Variants in LINGO1 observed in about 807,000 individuals in gnomAD.
LINGO1 encodes the protein leucine-rich repeat and immunoglobulin-like domain-containing nogo receptor-interacting protein 1.
Under a neutral mutation model 37.3 loss-of-function variants are expected in LINGO1, and 11 were observed. That is an observed-to-expected ratio of 0.29 (90% confidence interval 0.19 to 0.49). The LOEUF is 0.49. LINGO1 is among the 20% of genes least tolerant of loss of function. The pLI is 0.99. For synonymous variants in LINGO1, 387 were observed against 403.0 expected, an observed-to-expected ratio of 0.96 and a Z score of 0.48; for missense variants, 585 against 878.2, an observed-to-expected ratio of 0.67 and a Z score of 4.22.
upstream of LINGO1, among the ~76,000 whole-genome samples, chr15:77,636,288 C>G (rs1204235482): frequency 6.6e-6 from 1 of 152,220 alleles, no homozygotes; most frequent in Non-Finnish European, 1.5e-5. Flanking sequence ...ACAGGCCTGC[C>G]TACATGCCTG....
At chr15:77,622,784 G>A (rs1026870195) in intron 1 of LINGO1, among the ~76,000 whole-genome samples, 13 of 152,194 alleles carry the variant, frequency 8.5e-5, no homozygotes, top group African/African-American at 2.9e-4. Flanking sequence ...CTGTCGCAGC[G>A]GCCAACCATC....
rs761904303 is a variant in LINGO1, at chr15:77,615,225, T to G, written c.682A>C (p.Asn228His). The change falls in exon 2 of 2, where the codon AAT becomes CAT. Residue 228 changes from asparagine (N) to histidine (H), a missense_variant. Asn to His is a moderately conservative substitution (Grantham distance 68). Transcript: ENST00000355300. Reference sequence around the variant, plus strand: ...TTGAAGGAGTAGTCCCGGATGGCATTGATGTTGAGGTGCCGGAGCCTCAGG... The same window carrying G: ...TTGAAGGAGTAGTCCCGGATGGCATGGATGTTGAGGTGCCGGAGCCTCAGG... ...IVLRLRHLNI[N>H]AIRDYSFKRL... The G allele has an allele frequency of 8.1e-6, 13 of 1,613,468 alleles. No individual in the cohort carries two copies. In the Admixed American group the frequency reaches 1.5e-4, roughly 19 times the overall value.
chr15:77,644,673 G>A (rs1462592734), intron 3 of LINGO1, among the ~76,000 whole-genome samples: 4 of 152,180 alleles, frequency 2.6e-5, no homozygotes, highest in Non-Finnish European at 4.4e-5. Flanking sequence ...TGGCCACTTC[G>A]GAAGCTGAGG....
intron 1 of LINGO1, among the ~76,000 whole-genome samples, chr15:77,736,976 T>C (rs1202158489): frequency 5.9e-5 from 9 of 152,180 alleles, no homozygotes. Context: ...CACTGAGGCA[T>C]GCCACGTGGG....
intron 3 of LINGO1, among the ~76,000 whole-genome samples, chr15:77,672,626 G>A (rs2075269809): frequency 6.6e-6 from 1 of 152,190 alleles, no homozygotes; most frequent in Non-Finnish European, 1.5e-5. Flanking sequence ...TTCAGTGTCA[G>A]CCCCACACCT....
chr15:77,785,316 C>T (rs2076760598), intron 1 of LINGO1, among the ~76,000 whole-genome samples: 1 of 152,218 alleles, frequency 6.6e-6, no homozygotes, highest in Non-Finnish European at 1.5e-5. Context: ...AGGCGGCCCG[C>T]AGGCTGATCT....
intron 2 of LINGO1, among the ~76,000 whole-genome samples, chr15:77,794,280 ATATATATATGTATG>A (rs1314708999): frequency 1.8e-5 from 2 of 108,928 alleles, no homozygotes; most frequent in Non-Finnish European, 1.9e-5. Context: ...ACATATACAT[ATATATATATGTATG>A]TATATATATA....
intron 2 of LINGO1, among the ~76,000 whole-genome samples, chr15:77,792,069 C>T (rs535645691): frequency 6.6e-6 from 1 of 152,282 alleles, no homozygotes; most frequent in African/African-American, 2.4e-5. Flanking sequence ...CCAGCTCTTC[C>T]CGCAGCTGCA....
chr15:77,657,286 C>T (rs939829845), intron 3 of LINGO1, among the ~76,000 whole-genome samples: 4 of 151,910 alleles, frequency 2.6e-5, no homozygotes, highest in Non-Finnish European at 5.9e-5. Flanking sequence ...CTCAGCTAGT[C>T]ATGGGGCATC....
intron 2 of LINGO1, among the ~76,000 whole-genome samples, chr15:77,702,946 T>C (rs139092735): frequency 3.0e-4 from 45 of 152,360 alleles, no homozygotes; most frequent in Middle Eastern, 6.8e-3. Context: ...GTCTCTTTCC[T>C]TCTTTCTGTG....
chr15:77,714,639 C>T (rs551955302), intron 2 of LINGO1, among the ~76,000 whole-genome samples: 11 of 152,358 alleles, frequency 7.2e-5, no homozygotes, highest in East Asian at 3.9e-4. Flanking sequence ...GCATGAGAAG[C>T]GTGCACAGCC....
intron 1 of LINGO1, among the ~76,000 whole-genome samples, chr15:77,742,377 T>G (rs978906014): frequency 6.6e-6 from 1 of 152,216 alleles, no homozygotes; most frequent in Non-Finnish European, 1.5e-5. Flanking sequence ...GGCCACTTCC[T>G]GAGCACTTCC....
intron 2 of LINGO1, among the ~76,000 whole-genome samples, chr15:77,727,950 C>T (rs1213789846): frequency 1.3e-5 from 2 of 152,194 alleles, no homozygotes. Flanking sequence ...CACTCTACAA[C>T]AGCTTTTGGA....
At chr15:77,715,320 T>A (rs1441211436) in intron 2 of LINGO1, among the ~76,000 whole-genome samples, 1 of 151,814 alleles carries the variant, frequency 6.6e-6, no homozygotes, top group African/African-American at 2.4e-5. Flanking sequence ...GTCTGAGGAG[T>A]CAGTCAGTTG....
chr15:77,810,958 C>T (rs1231073712), intron 1 of LINGO1, among the ~76,000 whole-genome samples: 2 of 152,162 alleles, frequency 1.3e-5, no homozygotes, highest in East Asian at 3.9e-4. Flanking sequence ...TCCCGGATGT[C>T]CACATATCCC....
chr15:77,782,204 C>T (rs528711804), intron 1 of LINGO1, among the ~76,000 whole-genome samples: 1 of 96,550 alleles, frequency 1.0e-5, no homozygotes, highest in African/African-American at 3.7e-5. Context: ...CTCAAGTGTG[C>T]GCACGCGTAC....
chr15:77,732,925 G>A (rs4076999), intron 2 of LINGO1, among the ~76,000 whole-genome samples: 19,639 of 152,236 alleles, frequency 0.13, 1,695 homozygotes, highest in African/African-American at 0.24. Flanking sequence ...CTGCGTCCAG[G>A]TGTGTTGACT....
At chr15:77,643,002 A>C (rs1352412613) in intron 3 of LINGO1, among the ~76,000 whole-genome samples, 1 of 152,136 alleles carries the variant, frequency 6.6e-6, no homozygotes, top group Non-Finnish European at 1.5e-5. Flanking sequence ...TCCCCACACC[A>C]CTGGACTTAG....
At chr15:77,736,169 G>T (rs1178489933) in intron 1 of LINGO1, among the ~76,000 whole-genome samples, 1 of 152,164 alleles carries the variant, frequency 6.6e-6, no homozygotes, top group African/African-American at 2.4e-5. Context: ...CTGTGCATTT[G>T]TACACATGTG....
Sources: gnomAD v4.1 joint callset for allele counts (sites outside exome capture counted in the v4.1 genomes callset) on GRCh38, gnomAD v4.1.1 for gene constraint, MANE v1.5 for transcripts, NCBI Gene and HGNC (gene_info 2026-07-23, HGNC 2026-07-21) for gene names.